SHANK2: variants seen among roughly 807,000 people sequenced by gnomAD.
SHANK2 encodes the protein SH3 and multiple ankyrin repeat domains protein 2.
A neutral mutation model predicts 133.7 loss-of-function variants in SHANK2; 43 were observed. The observed-to-expected ratio is 0.32, with a 90% CI of 0.25 to 0.41. SHANK2 has a LOEUF of 0.41. Among genes scored for constraint, SHANK2 ranks in the 10% least tolerant of loss-of-function variants. The pLI, the probability that SHANK2 is intolerant of heterozygous loss-of-function variation, is 1.00. For missense variants in SHANK2, 1,994 were observed against 2,235.8 expected (o/e 0.89, Z 2.18); for synonymous variants, 1,017 against 952.8 (o/e 1.07, Z -1.24).
Position 70,471,443 on chromosome 11 carries a change from G to T in SHANK2, c.*1426C>A. 2.5e-6 allele frequency: 1 copy of T among 398,818 alleles called. No individual in the cohort carries two copies. Among genetic ancestry groups the T allele is most frequent in the South Asian group, 1.3e-4 (1 of 7,850 alleles). 24.7% of individuals were successfully genotyped at this position (398,818 alleles called of 1,614,324 possible). ...TGGTGACCTCTTTTGGAAATTCGAG[G>T]TATTGTTATGGGGTGGAGGGACTCC... On this transcript the variant is annotated 3_prime_UTR_variant, in exon 26 of 26. Transcript: ENST00000601538. The surrounding 1 kb of genome is among the most constrained non-coding windows in gnomAD (Gnocchi z 4.1).
At chr11:70,729,245 C>T (rs1435658265) in intron 14 of SHANK2, among the ~76,000 whole-genome samples, 5 of 151,220 alleles carry the variant, frequency 3.3e-5, no homozygotes, top group Admixed American at 2.6e-4. Flanking sequence ...TACTGATACA[C>T]GTGGCAACAC....
intron 1 of SHANK2, among the ~76,000 whole-genome samples, chr11:71,230,338 T>C (rs914637574): frequency 2.0e-5 from 3 of 150,766 alleles, no homozygotes; most frequent in African/African-American, 7.3e-5. Flanking sequence ...TCCCAGCACT[T>C]TGGAAGGCCA....
At chr11:71,094,782 G>T in intron 6 of SHANK2, 94 bp from the exon 7 acceptor site, 1 of 1,323,540 alleles carries the variant, frequency 7.6e-7, no homozygotes, top group South Asian at 1.4e-5. Flanking sequence ...TGAAAGAACT[G>T]ACTCCCCTCC....
At chr11:70,692,391 A>T (rs1945308089) in intron 15 of SHANK2, among the ~76,000 whole-genome samples, 1 of 152,188 alleles carries the variant, frequency 6.6e-6, no homozygotes, top group South Asian at 2.1e-4. Context: ...ACAACTGGAG[A>T]TACAGAATGA....
chr11:70,572,502 C>T (rs1176040597), intron 17 of SHANK2, among the ~76,000 whole-genome samples: 2 of 152,222 alleles, frequency 1.3e-5, no homozygotes, highest in African/African-American at 4.8e-5. Flanking sequence ...GTATTTTGCC[C>T]TAGTGGATTT....
In SHANK2 at chr11:70,807,838, A is replaced by G. The variant is rs1948195484; in HGVS notation, c.1494-667T>C. Among the ~76,000 whole-genome samples, 7 of 152,080 alleles carry G rather than the reference A, an allele frequency of 4.6e-5. No homozygotes were observed. The highest frequency in any genetic ancestry group is 3.9e-4 in the Admixed American group (6 of 15,276). On this transcript the variant is annotated intron_variant, in intron 12 of 25. Coordinates refer to ENST00000601538, the MANE Select transcript of SHANK2 (RefSeq NM_012309.5). The surrounding 1 kb of genome is among the most constrained non-coding windows in gnomAD (Gnocchi z 4.8). ...GAGTGAGACTCTGTCTCCAAAAAAA[A>G]AAAGTAAACTGTGACACAGGCTACA...
intron 22 of SHANK2, among the ~76,000 whole-genome samples, chr11:70,492,033 G>A (rs1555155915): frequency 6.6e-6 from 1 of 152,238 alleles, no homozygotes; most frequent in Non-Finnish European, 1.5e-5. Flanking sequence ...TCTGAAGAGT[G>A]TGTCAAGGCC....
chr11:70,811,580 TACCCATCCATCC>T lies in SHANK2; in HGVS notation c.1494-4421_1494-4410del, dbSNP rs201382826. Among the ~76,000 whole-genome samples the T allele has an allele frequency of 4.9e-3, 749 of 151,400 alleles. 18 individuals are homozygous for T. Among genetic ancestry groups the T allele is most frequent in the Admixed American group, 0.043 (648 of 15,190 alleles). On this transcript the variant is annotated intron_variant, in intron 12 of 25. Coordinates refer to ENST00000601538, the MANE Select transcript of SHANK2 (RefSeq NM_012309.5). ...TCATCGATCCATCCATCCATCCATC[TACCCATCCATCC>T]ACCCATCCATCCACTCATCATCTAC... is the stretch of plus-strand genomic sequence containing the variant.
At chr11:71,162,843 C>T (rs572389866) in intron 2 of SHANK2, among the ~76,000 whole-genome samples, 113 of 151,766 alleles carry the variant, frequency 7.4e-4, no homozygotes, top group Non-Finnish European at 1.3e-3. Flanking sequence ...GAGGTCAAGA[C>T]GGGCAGATCA....
chr11:70,573,020 A>G (rs2060065266), intron 17 of SHANK2, among the ~76,000 whole-genome samples: 1 of 152,186 alleles, frequency 6.6e-6, no homozygotes, highest in Admixed American at 6.5e-5. Flanking sequence ...ACTGGTCACC[A>G]AATTGTGGGC....
chr11:71,086,327 T>A, intron 8 of SHANK2, among the ~76,000 whole-genome samples: 1 of 121,332 alleles, frequency 8.2e-6, no homozygotes, highest in African/African-American at 3.4e-5. Context: ...TATGTTATAT[T>A]ATATATGTTA....
intron 1 of SHANK2, among the ~76,000 whole-genome samples, chr11:71,242,460 T>C (rs1376572103): frequency 1.3e-5 from 2 of 152,214 alleles, no homozygotes; most frequent in Non-Finnish European, 2.9e-5. Context: ...CACTGAACTC[T>C]TCCTGTATCA....
intron 8 of SHANK2, among the ~76,000 whole-genome samples, chr11:71,085,838 CAACA>C (rs1951391852): frequency 7.0e-4 from 2 of 2,838 alleles, no homozygotes; most frequent in Non-Finnish European, 9.7e-4. Flanking sequence ...TAATATTATA[CAACA>C]ATAATATATA....
intron 14 of SHANK2, among the ~76,000 whole-genome samples, chr11:70,754,553 A>G (rs1269238379): frequency 6.6e-6 from 1 of 152,230 alleles, no homozygotes; most frequent in Non-Finnish European, 1.5e-5. Flanking sequence ...GAAATTCTAC[A>G]TAGGTGACAG....
chr11:70,855,197 T>C (rs1187196894), intron 11 of SHANK2, among the ~76,000 whole-genome samples: 3 of 152,260 alleles, frequency 2.0e-5, no homozygotes, highest in Non-Finnish European at 2.9e-5. Context: ...TCCCTGCACG[T>C]TCTCCTCCCT....
At chr11:70,725,307 T>C (rs1221689709) in intron 14 of SHANK2, among the ~76,000 whole-genome samples, 1 of 152,258 alleles carries the variant, frequency 6.6e-6, no homozygotes, top group Non-Finnish European at 1.5e-5. Flanking sequence ...GCTGGTTCTG[T>C]GTCATATTTA....
chr11:70,563,403 T>C (rs562333417), intron 17 of SHANK2, among the ~76,000 whole-genome samples: 1 of 152,348 alleles, frequency 6.6e-6, no homozygotes, highest in East Asian at 1.9e-4. Context: ...GATCTTTCCA[T>C]GTCGTAATCC....
chr11:70,657,714 G>A (rs1393374664), intron 17 of SHANK2, among the ~76,000 whole-genome samples: 5 of 152,200 alleles, frequency 3.3e-5, no homozygotes, highest in African/African-American at 1.2e-4. Context: ...TAGAATACTG[G>A]AAGTCAGAGG....
chr11:70,795,741 A>C (rs545051720), intron 14 of SHANK2, among the ~76,000 whole-genome samples: 1 of 152,296 alleles, frequency 6.6e-6, no homozygotes, highest in Non-Finnish European at 1.5e-5. Context: ...GAAGAAGAGG[A>C]GGCAGAAGGG....
Sources: allele counts gnomAD v4.1 joint callset (sites outside exome capture counted in the v4.1 genomes callset), GRCh38; gene constraint gnomAD v4.1.1; non-coding constraint Gnocchi (gnomAD v3.1); transcripts MANE v1.5; gene names NCBI Gene and HGNC (gene_info 2026-07-23, HGNC 2026-07-21).